MED12L: variants seen among roughly 807,000 people sequenced by gnomAD.
MED12L encodes mediator complex subunit 12L.
Under a neutral mutation model 281.3 loss-of-function variants are expected in MED12L, and 60 were observed. That is an observed-to-expected ratio of 0.21 (90% CI 0.17 to 0.26). The LOEUF (loss-of-function observed/expected upper bound fraction) is 0.26. MED12L is among the 10% of genes least tolerant of loss of function. The pLI, the probability that MED12L is intolerant of heterozygous loss-of-function variation, is 1.00. For synonymous variants in MED12L, 974 were observed against 987.2 expected, an observed-to-expected ratio of 0.99 and a Z score of 0.25; for missense variants, 2,146 against 2,680.9, an observed-to-expected ratio of 0.80 and a Z score of 4.41.
chr3:151,365,005 C>G lies in MED12L; in HGVS notation c.2984C>G (p.Thr995Ser), dbSNP rs1349106488. ...FSSACSKVKQ[T>S]IYNNVMPANS... ...AGTGCCTGTTCAAAAGTAAAGCAAA[C>G]CATATATAATAACGTGATGCCTGCA... Residue 995 changes from threonine to serine, a missense_variant, in exon 22 of 45, where the codon ACC becomes AGC. This residue lies in a region of MED12L where 404 missense variants were observed against 603.5 expected (regional missense o/e 0.67). Coordinates refer to ENST00000687756, the MANE Select transcript of MED12L (RefSeq NM_001393769.1). 1 of 1,613,812 alleles carries G rather than the reference C, an allele frequency of 6.2e-7. No homozygotes were observed. The highest frequency in any genetic ancestry group is 1.7e-5 in the Admixed American group (1 of 60,002).
chr3:151,137,173 A>AC (rs1491412838), intron 5 of MED12L, among the ~76,000 whole-genome samples: 12 of 60,378 alleles, frequency 2.0e-4, no homozygotes, highest in African/African-American at 8.9e-4. Context: ...AAAAAAAAAG[A>AC]AAAAAAAAAA....
chr3:151,234,348 G>C (rs889004280), intron 16 of MED12L, among the ~76,000 whole-genome samples: 1 of 152,236 alleles, frequency 6.6e-6, no homozygotes, highest in African/African-American at 2.4e-5. Context: ...AGCCTAGAGA[G>C]CTTGAATAAA....
rs181803891 is a variant in MED12L at position 151,368,644 on chromosome 3, C to T, written c.3550+393C>T. Among the ~76,000 whole-genome samples, 314 of 60,878 alleles carry T rather than the reference C, an allele frequency of 5.2e-3. 1 individual carries two copies. Among genetic ancestry groups the T allele is most frequent in the African/African-American group, 0.02 (253 of 12,384 alleles). 39.9% of individuals were successfully genotyped at this position (60,878 alleles called of 152,430 possible). A position where few individuals can be genotyped will look rare whatever the true frequency, so the allele number is the denominator to read the frequency against. Reference sequence around the variant, plus strand: ...TATTTTATTTTATTTCATTTCATTTCATTTCATTTCATTTCATTTCATTTC... The same window carrying T: ...TATTTTATTTTATTTCATTTCATTTTATTTCATTTCATTTCATTTCATTTC... On this transcript the variant is annotated intron_variant, in intron 25 of 44. Transcript: ENST00000687756.
chr3:151,353,447 C>G (rs1243265197), intron 17 of MED12L, among the ~76,000 whole-genome samples: 1 of 152,164 alleles, frequency 6.6e-6, no homozygotes, highest in Non-Finnish European at 1.5e-5. Context: ...AGTTCCTAAT[C>G]TTTGCATTAT....
chr3:151,096,830 C>T (rs1266194124), intron 2 of MED12L, among the ~76,000 whole-genome samples: 2 of 152,206 alleles, frequency 1.3e-5, no homozygotes, highest in Non-Finnish European at 2.9e-5. Context: ...CTTTACTTGG[C>T]CTGTCTGTAA....
chr3:151,309,777 C>A (rs912857987), intron 16 of MED12L, among the ~76,000 whole-genome samples: 1 of 152,196 alleles, frequency 6.6e-6, no homozygotes, highest in Non-Finnish European at 1.5e-5. Flanking sequence ...AGAGTACCTG[C>A]GGGCACAGAG....
At chr3:151,191,898 C>G (rs981332504) in intron 14 of MED12L, among the ~76,000 whole-genome samples, 1 of 151,644 alleles carries the variant, frequency 6.6e-6, no homozygotes, top group Non-Finnish European at 1.5e-5. Context: ...AAGAGCAAAA[C>G]TGTCTCAAAA....
chr3:151,087,162 T>C (rs1488209485), intron 2 of MED12L, 137 bp downstream of exon 2: 11 of 678,086 alleles, frequency 1.6e-5, no homozygotes, highest in Non-Finnish European at 2.6e-5. Context: ...GGGGCCAGGC[T>C]GGGGGTGCTG....
At chr3:151,213,146 G>T in intron 16 of MED12L, 1 of 581,290 alleles carries the variant, frequency 1.7e-6, no homozygotes, top group Non-Finnish European at 2.9e-6. Flanking sequence ...TTACAAAAAA[G>T]CATGGAAACT....
intron 40 of MED12L, among the ~76,000 whole-genome samples, chr3:151,410,302 G>T (rs944066807): frequency 4.6e-5 from 7 of 152,222 alleles, no homozygotes; most frequent in Non-Finnish European, 8.8e-5. Flanking sequence ...AATCAGGAAT[G>T]CAGGGGTGTT....
intron 2 of MED12L, among the ~76,000 whole-genome samples, chr3:151,106,271 CTTTCCCTTTCCT>C (rs1452016851): frequency 8.1e-6 from 1 of 122,980 alleles, no homozygotes; most frequent in Non-Finnish European, 1.7e-5. Context: ...TTCCCTTTCC[CTTTCCCTTTCCT>C]TTTCCTTTTC....
chr3:151,234,938 C>T (rs188859627), intron 16 of MED12L, among the ~76,000 whole-genome samples: 30 of 152,322 alleles, frequency 2.0e-4, no homozygotes, highest in Admixed American at 2.0e-3. Context: ...AGCAAACGTT[C>T]CAGCGAACTT....
intron 32 of MED12L, among the ~76,000 whole-genome samples, chr3:151,380,793 A>T (rs1712176993): frequency 6.6e-6 from 1 of 152,198 alleles, no homozygotes; most frequent in African/African-American, 2.4e-5. Flanking sequence ...ACTTTGAACT[A>T]TCTGCCCGTC....
chr3:151,264,777 A>AT lies in MED12L; in HGVS notation c.2250+71112dup, dbSNP rs570601326. Among the ~76,000 whole-genome samples the AT allele has an allele frequency of 6.5e-3, 991 of 152,036 alleles. 8 individuals carry two copies. The highest frequency in any genetic ancestry group is 0.014 in the South Asian group (67 of 4,804). ...AGGCCCACCCAGTGCGTGTGTGTGT[A>AT]TGTGTGTGTGTGGTCTCATCACACT... On this transcript the variant is annotated intron_variant, in intron 16 of 44. Transcript: ENST00000687756.
chr3:151,217,499 G>C (rs1467315043), intron 16 of MED12L, among the ~76,000 whole-genome samples: 1 of 152,182 alleles, frequency 6.6e-6, no homozygotes, highest in Non-Finnish European at 1.5e-5. Context: ...GAGCAGCTTT[G>C]CCTCCTGAAA....
intron 43 of MED12L, among the ~76,000 whole-genome samples, chr3:151,419,876 G>T (rs921072188): frequency 6.6e-6 from 1 of 150,488 alleles, no homozygotes; most frequent in African/African-American, 2.5e-5. Context: ...TAAGATATTA[G>T]TACAAGTGTA....
intron 21 of MED12L, among the ~76,000 whole-genome samples, chr3:151,363,647 G>A (rs1476547646): frequency 2.0e-5 from 3 of 152,194 alleles, no homozygotes; most frequent in South Asian, 2.1e-4. Flanking sequence ...CACAGAAAGA[G>A]AGTGTAGAAG....
intron 16 of MED12L, among the ~76,000 whole-genome samples, chr3:151,274,193 A>G (rs1178521100): frequency 6.6e-6 from 1 of 152,228 alleles, no homozygotes. Flanking sequence ...TTGTATTTCA[A>G]ATTAAAATAA....
intron 9 of MED12L, 72 bp downstream of exon 9, chr3:151,164,114 C>T: frequency 1.3e-6 from 2 of 1,527,164 alleles, no homozygotes; most frequent in South Asian, 2.4e-5. Flanking sequence ...GTGGGTCAAG[C>T]ACAGGTTTTA....
Sources: gnomAD v4.1 joint callset for allele counts (sites outside exome capture counted in the v4.1 genomes callset) on GRCh38, gnomAD v4.1.1 for gene constraint, gnomAD v4.1.1 regional missense constraint, MANE v1.5 for transcripts, NCBI Gene and HGNC (gene_info 2026-07-23, HGNC 2026-07-21) for gene names.